DPH7: variants seen among roughly 807,000 people sequenced by gnomAD.
DPH7 encodes diphthamide biosynthesis 7.
DPH7 carries 44 observed loss-of-function variants against 41.7 expected under a neutral mutation model. That is an observed-to-expected ratio of 1.05 (90% confidence interval 0.83 to 1.36). DPH7 has a LOEUF of 1.36. DPH7 is among the 40% of genes most tolerant of loss of function. DPH7 has a pLI of 0.00. For synonymous variants in DPH7, 275 were observed against 238.0 expected, an observed-to-expected ratio of 1.16 and a Z score of -1.43; for missense variants, 629 against 577.5, an observed-to-expected ratio of 1.09 and a Z score of -0.91.
Position 137,578,630 on chromosome 9 carries a change from T to C in DPH7, c.148A>G (p.Asn50Asp). The C allele has an allele frequency of 6.6e-7, 1 of 1,507,630 alleles. No homozygotes were observed. Among genetic ancestry groups the C allele is most frequent in the South Asian group, 1.2e-5 (1 of 80,796 alleles). The allele number at this position is 1,507,630 out of a possible 1,614,324, so 93.4% of individuals were successfully genotyped here. ...CGAAGCCGCGGCGCGCGCACCTTGT[T>C]CTGGGGGCCGGCAGGCCGGTCCTCC... The part of the protein sequence containing the change: ...RPEDRPAGPQ[N>D]KGGMEVKEPQ... Residue 50 changes from asparagine (N) to aspartate (D), a missense_variant, in exon 1 of 9, where the codon AAC becomes GAC. Transcript: ENST00000277540.
Position 137,564,584 on chromosome 9 carries a change from A to G in DPH7, c.799T>C (p.Trp267Arg). 6.2e-7 allele frequency: 1 copy of G among 1,613,576 alleles called. No individual in the cohort carries two copies. The highest frequency in any genetic ancestry group is 8.5e-7 in the Non-Finnish European group (1 of 1,179,568). ...GGCTGCTTCATGTTTCGTGTGTCCC[A>G]CAGTAGGATGTGTTCATCATAGCTG... ...TGSYDEHILL[W>R]DTRNMKQPLA... The change falls in exon 8 of 9, where the codon TGG (tryptophan) becomes CGG (arginine). Residue 267 changes from tryptophan to arginine, a missense_variant. Physicochemically the swap from Trp to Arg is moderately radical, Grantham distance 101. Coordinates refer to ENST00000277540, the MANE Select transcript of DPH7 (RefSeq NM_138778.5).
At chr9:137,569,207 C>T (rs1319125638) in intron 5 of DPH7, among the ~76,000 whole-genome samples, 1 of 151,892 alleles carries the variant, frequency 6.6e-6, no homozygotes, top group East Asian at 1.9e-4. Context: ...CCCACCCCTG[C>T]ATCATCCAGC....
Position 137,564,875 on chromosome 9 carries a change from A to C in DPH7, c.776+18T>G. The C allele has an allele frequency of 6.3e-7, 1 of 1,584,032 alleles. No individual in the cohort carries two copies. The highest frequency in any genetic ancestry group is 8.6e-7 in the Non-Finnish European group (1 of 1,165,558). On this transcript the variant is annotated intron_variant, in intron 7 of 8. Coordinates refer to ENST00000277540, the MANE Select transcript of DPH7 (RefSeq NM_138778.5). ...GCGAAAGAGACGAGAAGGGCCCGAG[A>C]GCCTCCTGGGGACTCACCTTCCCGT... is the stretch of plus-strand genomic sequence containing the variant.
intron 3 of DPH7, chr9:137,575,832 G>A: frequency 7.6e-7 from 1 of 1,313,494 alleles, no homozygotes; most frequent in East Asian, 3.0e-5. Flanking sequence ...CAGATCCACT[G>A]ACAGGTCAAT....
intron 5 of DPH7, among the ~76,000 whole-genome samples, chr9:137,570,111 C>T (rs1168230381): frequency 3.3e-5 from 5 of 151,982 alleles, no homozygotes; most frequent in South Asian, 2.1e-4. Context: ...TCCACCCACA[C>T]GCCCTCCTAC....
At position 137,576,210 on chromosome 9, in the gene DPH7, C is replaced by A. The variant is rs1192475023; in HGVS notation, c.288-43G>T. The A allele has an allele frequency of 1.9e-6, 3 of 1,562,720 alleles. No individual in the cohort carries two copies. In the South Asian group the frequency reaches 3.3e-5, roughly 17 times the overall value. On this transcript the variant is annotated intron_variant, in intron 2 of 8. Coordinates refer to ENST00000277540, the MANE Select transcript of DPH7 (RefSeq NM_138778.5). The stretch of plus-strand genomic sequence containing the variant: ...CATAAGCACACCAATGTGCCCGGAG[C>A]ACAGGCGTGCACTGTGCGTCCCGGT...
rs750748291 is a variant in DPH7 at position 137,565,124 on chromosome 9, TCC to T, written c.669_670del (p.Trp223Ter). On this transcript the variant is annotated stop_gained and frameshift_variant, in exon 6 of 9. Coordinates refer to ENST00000277540, the MANE Select transcript of DPH7 (RefSeq NM_138778.5). LOFTEE classifies it high-confidence loss of function. ...GAGAAATTTGCCGGGTACCCTGGTGTCCCAGCCCCTCAGAAGGCCATCGTCGC... is the reference window on the plus strand; with the variant it reads ...GAGAAATTTGCCGGGTACCCTGGTGTCAGCCCCTCAGAAGGCCATCGTCGC... 3.7e-6 allele frequency: 6 copies of T among 1,614,022 alleles called. No homozygotes were observed. Among genetic ancestry groups the T allele is most frequent in the Non-Finnish European group, 5.1e-6 (6 of 1,180,026 alleles).
chr9:137,561,542 C>CA (rs557915176), intron 8 of DPH7, among the ~76,000 whole-genome samples: 8,357 of 51,952 alleles, frequency 0.16, 1,103 homozygotes, highest in Middle Eastern at 0.3. Context: ...GACTCCATCT[C>CA]AAAAAAAAAA....
In DPH7 at chr9:137,558,079, T is replaced by C. The variant is rs563725133; in HGVS notation, c.950-2431A>G. The stretch of plus-strand genomic sequence containing the variant: ...TGAACCCGGAAGGTGGGAGTTGCAG[T>C]GAGCTGAGATTGTGCCATTGTATTC... On this transcript the variant is annotated intron_variant, in intron 8 of 8. Transcript: ENST00000277540. Among the ~76,000 whole-genome samples, 10 of 152,096 alleles carry C rather than the reference T, an allele frequency of 6.6e-5. No individual in the cohort carries two copies. In the South Asian group the frequency reaches 1.5e-3, roughly 22 times the overall value.
chr9:137,576,895 A>C (rs887284785), intron 2 of DPH7, among the ~76,000 whole-genome samples: 2 of 151,980 alleles, frequency 1.3e-5, no homozygotes, highest in Non-Finnish European at 2.9e-5. Context: ...GTCTCAAAAA[A>C]AAAAAAAAGA....
intron 5 of DPH7, among the ~76,000 whole-genome samples, chr9:137,571,570 T>C (rs898254601): frequency 7.2e-5 from 11 of 152,234 alleles, no homozygotes; most frequent in African/African-American, 2.4e-4. Context: ...GGTAGATCGC[T>C]TGAGCCTAGG....
At chr9:137,575,934 G>T in intron 3 of DPH7, 146 bp downstream of exon 3, 1 of 1,457,220 alleles carries the variant, frequency 6.9e-7, no homozygotes, top group African/African-American at 1.4e-5. Context: ...CTTAAAAATA[G>T]ACTCCACATT....
At chr9:137,557,826 T>C (rs1837782353) in intron 8 of DPH7, among the ~76,000 whole-genome samples, 1 of 141,502 alleles carries the variant, frequency 7.1e-6, no homozygotes, top group Admixed American at 7.1e-5. Context: ...CTCAAAAAAA[T>C]ACATAAATAA....
Position 137,556,540 on chromosome 9 carries a change from G to T in DPH7, c.950-892C>A. 1 of 287,658 alleles carries T rather than the reference G, an allele frequency of 3.5e-6. No homozygotes were observed. The highest frequency in any genetic ancestry group is 6.9e-6 in the Non-Finnish European group (1 of 144,602). 17.8% of individuals were successfully genotyped at this position (287,658 alleles called of 1,614,324 possible). A position where few individuals can be genotyped will look rare whatever the true frequency, so the allele number is the denominator to read the frequency against. On this transcript the variant is annotated intron_variant, in intron 8 of 8. Transcript: ENST00000277540. This position sits in a 1 kb window ranked among gnomAD's most constrained non-coding sequence, Gnocchi z 5.2. Reference sequence around the variant, plus strand: ...ACCGCACTGGATTACAAAACGTGCCGAGGTTGTATGGGCCTGGGCCGGGGA... The same window carrying T: ...ACCGCACTGGATTACAAAACGTGCCTAGGTTGTATGGGCCTGGGCCGGGGA...
intron 5 of DPH7, among the ~76,000 whole-genome samples, chr9:137,570,424 A>T (rs886429321): frequency 8.5e-5 from 13 of 152,156 alleles, no homozygotes; most frequent in Admixed American, 7.9e-4. Flanking sequence ...TCTATCCAGA[A>T]CCCAACCACT....
At position 137,578,712 on chromosome 9, in the gene DPH7, G is replaced by A. The variant is rs1190508489; in HGVS notation, c.66C>T (p.Cys22=). The part of the protein sequence containing the change: ...TELTADSVEW[C]PLQGCRHLLA... ...GCAGGTGCCTGCAGCCTTGCAGCGG[G>A]CACCACTCCACCGAGTCCGCGGTCA... Residue 22 remains cysteine (C), a synonymous_variant, in exon 1 of 9, where the codon TGC becomes TGT. Transcript: ENST00000277540. The A allele has an allele frequency of 4.6e-6, 7 of 1,532,320 alleles. No individual in the cohort carries two copies. In the South Asian group the frequency reaches 7.3e-5, roughly 16 times the overall value. The allele number at this position is 1,532,320 out of a possible 1,614,324, so 94.9% of individuals were successfully genotyped here.
intron 5 of DPH7, 45 bp downstream of exon 5, chr9:137,574,163 C>A: frequency 6.3e-7 from 1 of 1,591,768 alleles, no homozygotes; most frequent in Non-Finnish European, 8.6e-7. Context: ...CCGCCCCTTC[C>A]TCAGCAAGCC....
rs760530786 is a variant in DPH7 at position 137,576,208 on chromosome 9, A to G, written c.288-41T>C. ...ACCATAAGCACACCAATGTGCCCGG[A>G]GCACAGGCGTGCACTGTGCGTCCCG... On this transcript the variant is annotated intron_variant, in intron 2 of 8. Coordinates refer to ENST00000277540, the MANE Select transcript of DPH7 (RefSeq NM_138778.5). 5.1e-6 allele frequency: 8 copies of G among 1,576,442 alleles called. No individual in the cohort carries two copies. In the South Asian group the frequency reaches 7.8e-5, roughly 15 times the overall value.
In DPH7 at chr9:137,555,446, G is replaced by A. The variant is rs374191562; in HGVS notation, c.1152C>T (p.Asn384=). The change falls in exon 9 of 9, where the codon AAC becomes AAT. Residue 384 remains asparagine (N), a synonymous_variant. Coordinates refer to ENST00000277540, the MANE Select transcript of DPH7 (RefSeq NM_138778.5). ...GGGGTCTGGCATGGCCCTCCCCATC[G>A]TTATCCTCTCTGCATTCATGACAGG... The part of the protein sequence containing the change: ...PTPCHECRED[N]DGEGHARPQS... 22 of 1,613,952 alleles carry A rather than the reference G, an allele frequency of 1.4e-5. No individual in the cohort carries two copies. Among genetic ancestry groups the A allele is most frequent in the East Asian group, 2.2e-5 (1 of 44,896 alleles).
Sources: allele counts gnomAD v4.1 joint callset (sites outside exome capture counted in the v4.1 genomes callset), GRCh38; gene constraint gnomAD v4.1.1; non-coding constraint Gnocchi (gnomAD v3.1); transcripts MANE v1.5; gene names NCBI Gene and HGNC (gene_info 2026-07-23, HGNC 2026-07-21).